EFNA5: variants seen among roughly 807,000 people sequenced by gnomAD.
EFNA5 encodes the protein ephrin-A5.
EFNA5 carries 5 observed loss-of-function variants against 22.9 expected under a neutral mutation model. The ratio of observed to expected loss-of-function variants is 0.22; its 90% CI spans 0.11 to 0.46. The LOEUF (loss-of-function observed/expected upper bound fraction) is 0.46. EFNA5 is among the 20% of genes least tolerant of loss of function. The pLI is 0.99. For missense variants in EFNA5, 237 were observed against 293.3 expected, an observed-to-expected ratio of 0.81 and a Z score of 1.40; for synonymous variants, 113 against 112.2, an observed-to-expected ratio of 1.01 and a Z score of -0.04.
At chr5:107,482,215 A>C (rs2112400787) in intron 1 of EFNA5, among the ~76,000 whole-genome samples, 1 of 152,018 alleles carries the variant, frequency 6.6e-6, no homozygotes, top group East Asian at 1.9e-4. Context: ...TTGAGGTGGG[A>C]AAATCACTTA....
chr5:107,626,614 T>C (rs1002294982), intron 1 of EFNA5, among the ~76,000 whole-genome samples: 2 of 152,114 alleles, frequency 1.3e-5, no homozygotes, highest in African/African-American at 4.8e-5. Flanking sequence ...GAATGAAACA[T>C]GTATGCTGTG....
At chr5:107,615,434 C>T (rs1322400055) in intron 1 of EFNA5, among the ~76,000 whole-genome samples, 2 of 152,032 alleles carry the variant, frequency 1.3e-5, no homozygotes, top group South Asian at 2.1e-4. Context: ...ATTGAGAAGG[C>T]ATTCCGTGAT....
At chr5:107,551,756 C>T (rs890224040) in intron 1 of EFNA5, among the ~76,000 whole-genome samples, 15 of 152,154 alleles carry the variant, frequency 9.9e-5, no homozygotes, top group Admixed American at 2.6e-4. Flanking sequence ...CGTCTCTTTC[C>T]TGTCCTATCA....
chr5:107,510,136 C>G (rs1466778266), intron 1 of EFNA5, among the ~76,000 whole-genome samples: 1 of 152,162 alleles, frequency 6.6e-6, no homozygotes, highest in African/African-American at 2.4e-5. Context: ...GGTAAAGAAG[C>G]CAACCAAAAT....
intron 1 of EFNA5, among the ~76,000 whole-genome samples, chr5:107,659,550 TACAGGCCCAGAG>T (rs1183533539): frequency 1.3e-5 from 2 of 149,804 alleles, no homozygotes; most frequent in African/African-American, 4.9e-5. Flanking sequence ...TCCATAGGTC[TACAGGCCCAGAG>T]ACAATAAAAT....
chr5:107,611,138 T>C (rs572833822), intron 1 of EFNA5, among the ~76,000 whole-genome samples: 4 of 152,106 alleles, frequency 2.6e-5, no homozygotes, highest in Admixed American at 2.6e-4. Flanking sequence ...GGAAGAACTC[T>C]GCCTAGCAAC....
intron 1 of EFNA5, among the ~76,000 whole-genome samples, chr5:107,642,118 C>T (rs1459975488): frequency 3.3e-5 from 5 of 152,182 alleles, no homozygotes; most frequent in African/African-American, 1.2e-4. Flanking sequence ...CATAATCAAT[C>T]TTATTTCCTG....
intron 2 of EFNA5, among the ~76,000 whole-genome samples, chr5:107,423,795 T>C (rs1748735989): frequency 6.6e-6 from 1 of 152,180 alleles, no homozygotes; most frequent in Admixed American, 6.5e-5. Context: ...CAACTTAATA[T>C]ACTGTCTGTT....
At chr5:107,617,721 G>A (rs1224054795) in intron 1 of EFNA5, among the ~76,000 whole-genome samples, 2 of 152,152 alleles carry the variant, frequency 1.3e-5, no homozygotes, top group Admixed American at 1.3e-4. Flanking sequence ...CTTGAGATGG[G>A]CAATGCAGGA....
At chr5:107,606,835 G>A (rs956818362) in intron 1 of EFNA5, among the ~76,000 whole-genome samples, 1 of 152,092 alleles carries the variant, frequency 6.6e-6, no homozygotes, top group Non-Finnish European at 1.5e-5. Context: ...ACAGATCAAT[G>A]AATAGAAAAG....
At chr5:107,573,072 C>T (rs1047246722) in intron 1 of EFNA5, among the ~76,000 whole-genome samples, 2 of 152,150 alleles carry the variant, frequency 1.3e-5, no homozygotes, top group African/African-American at 4.8e-5. Flanking sequence ...GTGGGTCTTT[C>T]CCTTACTGGC....
chr5:107,470,085 C>T (rs1249863006), intron 1 of EFNA5, among the ~76,000 whole-genome samples: 3 of 152,280 alleles, frequency 2.0e-5, no homozygotes, highest in African/African-American at 4.8e-5. Context: ...GAATGAGATT[C>T]TCAGTCTAAA....
intron 1 of EFNA5, among the ~76,000 whole-genome samples, chr5:107,523,142 C>T (rs1178134584): frequency 6.6e-6 from 1 of 152,172 alleles, no homozygotes; most frequent in Non-Finnish European, 1.5e-5. Context: ...ACAGACCAGA[C>T]AATATTTCTC....
At chr5:107,433,189 T>C (rs1315251860) in intron 1 of EFNA5, among the ~76,000 whole-genome samples, 1 of 152,156 alleles carries the variant, frequency 6.6e-6, no homozygotes, top group Non-Finnish European at 1.5e-5. Flanking sequence ...CCCACATTGT[T>C]CAAGGATAAA....
rs143550527 is a variant in EFNA5, at chr5:107,407,391, A to G, written c.419-19620T>C. Among the ~76,000 whole-genome samples the G allele has an allele frequency of 1.6e-3, 237 of 152,282 alleles. 1 individual carries two copies. Among genetic ancestry groups the G allele is most frequent in the African/African-American group, 4.5e-3 (188 of 41,570 alleles). On this transcript the variant is annotated intron_variant, in intron 2 of 4. Transcript: ENST00000333274. ...TAAAATCTCGGAATCACAAAACTCA[A>G]GTTTATGGGGGATCATTTAATTTAT...
intron 2 of EFNA5, among the ~76,000 whole-genome samples, chr5:107,420,088 A>G (rs1485454429): frequency 1.3e-5 from 2 of 152,220 alleles, no homozygotes; most frequent in African/African-American, 2.4e-5. Flanking sequence ...TTCTTAATGT[A>G]GATGACTAAA....
chr5:107,386,464 G>T (rs1221848900), intron 4 of EFNA5, among the ~76,000 whole-genome samples: 1 of 152,208 alleles, frequency 6.6e-6, no homozygotes, highest in African/African-American at 2.4e-5. Context: ...TCCATAGTAT[G>T]CGACAGACTA....
At chr5:107,620,377 A>G (rs1002468172) in intron 1 of EFNA5, among the ~76,000 whole-genome samples, 1 of 152,240 alleles carries the variant, frequency 6.6e-6, no homozygotes, top group African/African-American at 2.4e-5. Context: ...GTGCATTTAC[A>G]TATTTATGAA....
intron 1 of EFNA5, among the ~76,000 whole-genome samples, chr5:107,588,492 C>T (rs1223445191): frequency 1.3e-5 from 2 of 152,188 alleles, no homozygotes; most frequent in South Asian, 2.1e-4. Context: ...TTTCATCAGG[C>T]CATCCTGTTC....
Sources: allele counts gnomAD v4.1 joint callset (sites outside exome capture counted in the v4.1 genomes callset), GRCh38; gene constraint gnomAD v4.1.1; transcripts MANE v1.5; gene names NCBI Gene and HGNC (gene_info 2026-07-23, HGNC 2026-07-21).